Variants in ITGAD observed in about 807,000 individuals in gnomAD.
ITGAD encodes the protein integrin alpha-D.
ITGAD carries 105 observed loss-of-function variants against 139.0 expected under a neutral mutation model. That is an observed-to-expected ratio of 0.76 (90% CI 0.65 to 0.89). The LOEUF (loss-of-function observed/expected upper bound fraction) is 0.89. Ranked by LOEUF, ITGAD falls within the 40% of genes least tolerant of loss-of-function variation. The probability of loss-of-function intolerance (pLI) is 0.00; values close to 1 mark genes in which losing one functional copy is unlikely to be tolerated. For missense variants in ITGAD, 1,384 were observed against 1,487.3 expected (o/e 0.93, Z 1.14); for synonymous variants, 569 against 598.3 (o/e 0.95, Z 0.71).
chr16:31,416,748 C>A (rs954983457), intron 20 of ITGAD, 102 bp downstream of exon 20: 5 of 622,456 alleles, frequency 8.0e-6, no homozygotes, highest in African/African-American at 3.9e-5. Flanking sequence ...ATGATATGTG[C>A]TCTCTCTCTC....
At chr16:31,401,421 G>C (rs1232165679) in intron 5 of ITGAD, among the ~76,000 whole-genome samples, 1 of 152,200 alleles carries the variant, frequency 6.6e-6, no homozygotes, top group Non-Finnish European at 1.5e-5. Flanking sequence ...CGTGATTCCT[G>C]GGAAGGGACT....
chr16:31,397,704 G>A, intron 4 of ITGAD, 38 bp downstream of exon 4: 1 of 888,726 alleles, frequency 1.1e-6, no homozygotes, highest in Non-Finnish European at 1.8e-6. Context: ...GGTGGGGTGG[G>A]GCGGGGGGTG....
Position 31,414,343 on chromosome 16 carries a change from T to C in ITGAD, c.1997-108T>C, listed in dbSNP as rs2081824655. ...TATCCCCAGCACGTGGTACAGTTCA[T>C]GGCCCATAGCAGTGTCCAGCAAACA... is the stretch of plus-strand genomic sequence containing the variant. On this transcript the variant is annotated intron_variant, in intron 16 of 29. Transcript: ENST00000389202. The C allele has an allele frequency of 2.5e-6, 3 of 1,193,388 alleles. 1 individual carries two copies. In the South Asian group the frequency reaches 4.3e-5, roughly 17 times the overall value. 73.9% of individuals were successfully genotyped at this position (1,193,388 alleles called of 1,614,324 possible). A position where few individuals can be genotyped will look rare whatever the true frequency, so the allele number is the denominator to read the frequency against.
chr16:31,421,031 C>T (rs960848443), intron 23 of ITGAD, among the ~76,000 whole-genome samples: 4 of 152,282 alleles, frequency 2.6e-5, no homozygotes, highest in South Asian at 2.1e-4. Context: ...ATGTCAGGCA[C>T]GTTTTATGTT....
At chr16:31,405,690 T>G (rs1393450680) in intron 7 of ITGAD, among the ~76,000 whole-genome samples, 1 of 147,580 alleles carries the variant, frequency 6.8e-6, no homozygotes, top group African/African-American at 2.5e-5. Context: ...TCTCCCAGGC[T>G]GGGGTGCGGT....
intron 18 of ITGAD, among the ~76,000 whole-genome samples, 172 bp downstream of exon 18, chr16:31,415,163 T>A (rs926434727): frequency 6.6e-6 from 1 of 152,120 alleles, no homozygotes; most frequent in African/African-American, 2.4e-5. Flanking sequence ...AGGACTGACA[T>A]GAAGTCCACC....
intron 10 of ITGAD, among the ~76,000 whole-genome samples, chr16:31,409,832 A>T (rs1180268147): frequency 6.7e-6 from 1 of 148,622 alleles, no homozygotes; most frequent in East Asian, 2.0e-4. Context: ...GGATTGCATG[A>T]GTCCAGGAGT....
chr16:31,406,309 G>A (rs1317102159), intron 7 of ITGAD, among the ~76,000 whole-genome samples: 1 of 152,114 alleles, frequency 6.6e-6, no homozygotes, highest in Non-Finnish European at 1.5e-5. Context: ...TCCTGACCTC[G>A]TGATCCTCCC....
In ITGAD at chr16:31,397,393, GCCAA is replaced by G; in HGVS notation, c.176_179del (p.Asn59ArgfsTer27). 6.2e-7 allele frequency: 1 copy of G among 1,603,882 alleles called. No individual in the cohort carries two copies. On this transcript the variant is annotated frameshift_variant, in exon 3 of 30. Transcript: ENST00000389202. LOFTEE classifies it high-confidence loss of function. ...GGGAGCACCCCTGGAGGTGGTGGCGGCCAACCAGACGGGACGGCTGTATGACTGC... is the reference window on the plus strand; with the variant it reads ...GGGAGCACCCCTGGAGGTGGTGGCGGCCAGACGGGACGGCTGTATGACTGC...
At chr16:31,412,752 A>ATGG (rs2081762625) in intron 14 of ITGAD, 86 bp from the exon 15 acceptor site, 1 of 1,558,618 alleles carries the variant, frequency 6.4e-7, no homozygotes, top group South Asian at 1.2e-5. Flanking sequence ...CTTTGCCACC[A>ATGG]TCCTACCTCC....
intron 29 of ITGAD, 42 bp from the exon 30 acceptor site, chr16:31,425,973 G>T: frequency 7.3e-7 from 1 of 1,366,384 alleles, no homozygotes. Context: ...GAGCCACCGG[G>T]CCCGGACTTA....
chr16:31,397,349 G>C lies in ITGAD; in HGVS notation c.138-10G>C, dbSNP rs752284390. ...TGGCTGCAGTGACATGGCCATGGTT[G>C]TGTCTCCAGACTCGTGGTGGGAGCA... On this transcript the variant is annotated splice_polypyrimidine_tract_variant and intron_variant, in intron 2 of 29. Coordinates refer to ENST00000389202, the MANE Select transcript of ITGAD (RefSeq NM_005353.3). 6 of 1,575,184 alleles carry C rather than the reference G, an allele frequency of 3.8e-6. No individual in the cohort carries two copies. In the South Asian group the frequency reaches 6.9e-5, roughly 18 times the overall value.
At chr16:31,396,866 G>A (rs1041368741) in intron 2 of ITGAD, among the ~76,000 whole-genome samples, 4 of 152,268 alleles carry the variant, frequency 2.6e-5, no homozygotes, top group South Asian at 2.1e-4. Flanking sequence ...TTGGCCAATT[G>A]AAATTGCTTA....
intron 2 of ITGAD, among the ~76,000 whole-genome samples, chr16:31,396,240 G>A (rs1387839147): frequency 6.6e-6 from 1 of 152,216 alleles, no homozygotes; most frequent in Non-Finnish European, 1.5e-5. Context: ...GGGAGGCTGA[G>A]GCGGGTGGAT....
Position 31,426,156 on chromosome 16 carries a change from A to G in ITGAD, c.*28A>G, listed in dbSNP as rs2082112088. The G allele has an allele frequency of 3.5e-6, 5 of 1,444,110 alleles. No homozygotes were observed. Among genetic ancestry groups the G allele is most frequent in the East Asian group, 4.6e-5 (2 of 43,834 alleles). The allele number at this position is 1,444,110 out of a possible 1,614,324, so 89.5% of individuals were successfully genotyped here. A position where few individuals can be genotyped will look rare whatever the true frequency, so the allele number is the denominator to read the frequency against. Reference sequence around the variant, plus strand: ...ATCCACTTTCCTGTTTATCTCTACCACTGTGGGCTGGACTTGCTTGCAACC... The same window carrying G: ...ATCCACTTTCCTGTTTATCTCTACCGCTGTGGGCTGGACTTGCTTGCAACC... On this transcript the variant is annotated 3_prime_UTR_variant, in exon 30 of 30. Transcript: ENST00000389202.
chr16:31,402,341 T>G, intron 6 of ITGAD, 96 bp downstream of exon 6: 3 of 1,078,074 alleles, frequency 2.8e-6, no homozygotes, highest in Non-Finnish European at 2.7e-6. Flanking sequence ...CAGTGAGCCG[T>G]GTGTGATGGG....
intron 29 of ITGAD, chr16:31,424,807 CA>C (rs1158210459): frequency 3.8e-5 from 13 of 342,822 alleles, no homozygotes; most frequent in Admixed American, 3.2e-4. Context: ...TCATGTTGGC[CA>C]GGCTGGTCTC....
chr16:31,426,106 C>A lies in ITGAD; in HGVS notation c.3464C>A (p.Ala1155Asp). 6.2e-7 allele frequency: 1 copy of A among 1,611,552 alleles called. No homozygotes were observed. Among genetic ancestry groups the A allele is most frequent in the South Asian group, 1.1e-5 (1 of 90,970 alleles). Residue 1155 changes from alanine to aspartate, a missense_variant, in exon 30 of 30, where the codon GCC becomes GAC. Physicochemically the swap from Ala to Asp is moderately radical, Grantham distance 126. Transcript: ENST00000389202. ...TFSGDDFSCV[A>D]PNVPLS ...AGTGGGGACGATTTCAGCTGTGTGG[C>A]CCCAAATGTGCCTTTGTCCTAATAA... is the stretch of plus-strand genomic sequence containing the variant.
rs559849351 is a variant in ITGAD, at chr16:31,414,940, G to A, written c.2232G>A (p.Gln744=). ...TGAGAGAGCCCATCCCCTCCCCCCA[G>A]AACCTGCGTCCTGTGCTGGCCGTGG... ...SLVREPIPSP[Q]NLRPVLAVGS... Residue 744 remains glutamine, a synonymous_variant, in exon 18 of 30, where the codon CAG becomes CAA. Coordinates refer to ENST00000389202, the MANE Select transcript of ITGAD (RefSeq NM_005353.3). 2 of 1,614,008 alleles carry A rather than the reference G, an allele frequency of 1.2e-6. No homozygotes were observed. The highest frequency in any genetic ancestry group is 1.7e-6 in the Non-Finnish European group (2 of 1,180,020).
Sources: gnomAD v4.1 joint callset for allele counts (sites outside exome capture counted in the v4.1 genomes callset) on GRCh38, gnomAD v4.1.1 for gene constraint, MANE v1.5 for transcripts, NCBI Gene and HGNC (gene_info 2026-07-23, HGNC 2026-07-21) for gene names.